Variants in LRCH3 observed in about 807,000 individuals in gnomAD.
LRCH3 encodes the protein leucine rich repeats and calponin homology domain containing 3, also known as DISP complex protein LRCH3.
Under a neutral mutation model 104.5 loss-of-function variants are expected in LRCH3, and 68 were observed. That is an observed-to-expected ratio of 0.65 (90% CI 0.54 to 0.80). The LOEUF (loss-of-function observed/expected upper bound fraction) is 0.80. Among genes scored for constraint, LRCH3 ranks in the 30% least tolerant of loss-of-function variants. The probability of loss-of-function intolerance (pLI) is 0.00; values close to 1 mark genes in which losing one functional copy is unlikely to be tolerated. For synonymous variants in LRCH3, 344 were observed against 361.3 expected, an observed-to-expected ratio of 0.95 and a Z score of 0.54; for missense variants, 951 against 953.9, an observed-to-expected ratio of 1.00 and a Z score of 0.04.
intron 20 of LRCH3, chr3:197,881,028 T>A: frequency 8.4e-7 from 1 of 1,192,104 alleles, no homozygotes; most frequent in Non-Finnish European, 1.0e-6. Context: ...TCTGAACTTG[T>A]ACTTCGAATA....
rs1014555601 is a variant in LRCH3, at chr3:197,810,432, C to A, written c.263-4476C>A. Reference sequence around the variant, plus strand: ...CCTCTGGAAGTGCTGGGATTACAGGCATGAGCTACCGTGCCTGGCTATTTT... The same window carrying A: ...CCTCTGGAAGTGCTGGGATTACAGGAATGAGCTACCGTGCCTGGCTATTTT... On this transcript the variant is annotated intron_variant, in intron 1 of 20. Coordinates refer to ENST00000425562, the MANE Select transcript of LRCH3 (RefSeq NM_001365715.1). The surrounding 1 kb of genome is among the most constrained non-coding windows in gnomAD (Gnocchi z 4.0). Among the ~76,000 whole-genome samples, 1 of 152,158 alleles carries A rather than the reference C, an allele frequency of 6.6e-6. No homozygotes were observed. Among genetic ancestry groups the A allele is most frequent in the Non-Finnish European group, 1.5e-5 (1 of 68,030 alleles).
chr3:197,797,775 G>A (rs1164564382), intron 1 of LRCH3, among the ~76,000 whole-genome samples: 1 of 150,140 alleles, frequency 6.7e-6, no homozygotes, highest in Non-Finnish European at 1.5e-5. Flanking sequence ...CAGGGGAATC[G>A]CTTGTGCCGG....
chr3:197,871,045 CTCTT>C (rs1712120830), intron 18 of LRCH3, among the ~76,000 whole-genome samples: 2 of 151,308 alleles, frequency 1.3e-5, no homozygotes, highest in African/African-American at 2.4e-5. Flanking sequence ...GAGTGATTGC[CTCTT>C]TATTTTATGT....
chr3:197,864,868 A>G (rs1229193988), intron 15 of LRCH3, among the ~76,000 whole-genome samples: 2 of 151,938 alleles, frequency 1.3e-5, no homozygotes, highest in East Asian at 3.9e-4. Context: ...AAAAAATGCA[A>G]AAATTAACTG....
chr3:197,864,631 C>CA (rs1411324236), intron 15 of LRCH3, among the ~76,000 whole-genome samples: 1 of 146,554 alleles, frequency 6.8e-6, no homozygotes, highest in Non-Finnish European at 1.5e-5. Flanking sequence ...AAACAAAAAA[C>CA]AAAAAAACAA....
chr3:197,882,529 C>CA (rs773529166), intron 20 of LRCH3: 1 of 863,336 alleles, frequency 1.2e-6, no homozygotes, highest in Non-Finnish European at 1.4e-6. Flanking sequence ...AAACAAAAAA[C>CA]AAAAAACAAA....
rs374224629 is a variant in LRCH3 at position 197,835,718 on chromosome 3, G to T, written c.1147G>T (p.Ala383Ser). ...GATTGACTACATAGACAGCTGCACC[G>T]CAGAGGAAGAGGAGGCCGAGGTGAG... ...DQIDYIDSCT[A>S]EEEEAEVRQP... The change falls in exon 9 of 21, where the codon GCA becomes TCA. Residue 383 changes from alanine to serine, a missense_variant. Physicochemically the swap from Ala to Ser is moderately conservative, Grantham distance 99. Transcript: ENST00000425562. 1.9e-6 allele frequency: 3 copies of T among 1,613,756 alleles called. No homozygotes were observed. Among genetic ancestry groups the T allele is most frequent in the Non-Finnish European group, 2.5e-6 (3 of 1,179,972 alleles).
intron 12 of LRCH3, among the ~76,000 whole-genome samples, chr3:197,848,832 A>G (rs1739147851): frequency 6.6e-6 from 1 of 152,226 alleles, no homozygotes; most frequent in South Asian, 2.1e-4. Context: ...TACGATGCGT[A>G]TGTCTGTTTT....
At chr3:197,795,995 T>C (rs1731171882) in intron 1 of LRCH3, among the ~76,000 whole-genome samples, 1 of 152,128 alleles carries the variant, frequency 6.6e-6, no homozygotes, top group Admixed American at 6.6e-5. Context: ...CCGGCCAGAA[T>C]TTTTTGATGA....
chr3:197,822,793 A>C (rs1734634100), intron 4 of LRCH3: 1 of 151,910 alleles, frequency 6.6e-6, no homozygotes, highest in Non-Finnish European at 1.5e-5. Context: ...AAAAATATTA[A>C]AAAATATTAA....
At chr3:197,868,996 T>C (rs1215886301) in intron 17 of LRCH3, among the ~76,000 whole-genome samples, 1 of 152,232 alleles carries the variant, frequency 6.6e-6, no homozygotes, top group African/African-American at 2.4e-5. Flanking sequence ...TTTAAGTGGA[T>C]GTAATCAAAC....
At chr3:197,861,911 T>C (rs1011279926) in intron 15 of LRCH3, among the ~76,000 whole-genome samples, 1 of 152,228 alleles carries the variant, frequency 6.6e-6, no homozygotes, top group African/African-American at 2.4e-5. Flanking sequence ...TAAAAATACA[T>C]TTCAGAAACC....
Position 197,888,342 on chromosome 3 carries a change from T to C in LRCH3, c.*4676T>C, listed in dbSNP as rs1253320506. The C allele has an allele frequency of 6.6e-6, 1 of 152,252 alleles. No individual in the cohort carries two copies. Among genetic ancestry groups the C allele is most frequent in the Non-Finnish European group, 1.5e-5 (1 of 68,050 alleles). 9.4% of individuals were successfully genotyped at this position (152,252 alleles called of 1,614,324 possible). A position where few individuals can be genotyped will look rare whatever the true frequency, so the allele number is the denominator to read the frequency against. Reference sequence around the variant, plus strand: ...ATTGCATAAGTTCTAAGTATAAATATGTCAGTATCATGTATGTTATTTTAA... The same window carrying C: ...ATTGCATAAGTTCTAAGTATAAATACGTCAGTATCATGTATGTTATTTTAA... On this transcript the variant is annotated 3_prime_UTR_variant, in exon 21 of 21. Coordinates refer to ENST00000425562, the MANE Select transcript of LRCH3 (RefSeq NM_001365715.1).
rs190040636 is a variant in LRCH3 at position 197,851,578 on chromosome 3, C to T, written c.1531-983C>T. On this transcript the variant is annotated intron_variant, in intron 12 of 20. Transcript: ENST00000425562. ...ATTTGAATCCAGCTTTGCCACTTGC[C>T]GTGCGCTTGACTTTCAGAAAGCTAC... 2.8e-4 allele frequency among the ~76,000 whole-genome samples: 42 copies of T among 152,208 alleles called. No individual in the cohort carries two copies. In the East Asian group the frequency reaches 5.8e-3, roughly 21 times the overall value.
At chr3:197,834,534 T>C (rs1736419434) in intron 8 of LRCH3, among the ~76,000 whole-genome samples, 1 of 152,218 alleles carries the variant, frequency 6.6e-6, no homozygotes, top group Non-Finnish European at 1.5e-5. Context: ...CTACCTTTTC[T>C]CTTTTTTGTG....
At chr3:197,800,321 A>T (rs1731739631) in intron 1 of LRCH3, among the ~76,000 whole-genome samples, 1 of 152,242 alleles carries the variant, frequency 6.6e-6, no homozygotes, top group Non-Finnish European at 1.5e-5. Flanking sequence ...AATATTTAAG[A>T]ATGTCTATAC....
intron 1 of LRCH3, 108 bp from the exon 2 acceptor site, chr3:197,814,800 C>T: frequency 3.2e-6 from 3 of 939,694 alleles, no homozygotes; most frequent in Non-Finnish European, 4.6e-6. Flanking sequence ...AGCTGTTTTA[C>T]TTTTAAAGAA....
intron 12 of LRCH3, among the ~76,000 whole-genome samples, chr3:197,848,782 C>G (rs1052791603): frequency 6.6e-6 from 1 of 152,192 alleles, no homozygotes; most frequent in South Asian, 2.1e-4. Context: ...TAAAGACTTT[C>G]CTGTATTTCA....
In LRCH3 at chr3:197,849,621, C is replaced by T. The variant is rs186560743; in HGVS notation, c.1530+1600C>T. ...TTTTATATAGTTCTCTTGAAACTAA[C>T]GGAAATACTTTATTGGTTTATTCTT... is the stretch of plus-strand genomic sequence containing the variant. On this transcript the variant is annotated intron_variant, in intron 12 of 20. Transcript: ENST00000425562. Among the ~76,000 whole-genome samples, 448 of 152,182 alleles carry T rather than the reference C, an allele frequency of 2.9e-3. 2 individuals are homozygous for T. Among genetic ancestry groups the T allele is most frequent in the Non-Finnish European group, 3.5e-3 (237 of 68,024 alleles).
Sources: allele counts gnomAD v4.1 joint callset (sites outside exome capture counted in the v4.1 genomes callset), GRCh38; gene constraint gnomAD v4.1.1; non-coding constraint Gnocchi (gnomAD v3.1); transcripts MANE v1.5; gene names NCBI Gene and HGNC (gene_info 2026-07-23, HGNC 2026-07-21).